FAM91A1: variants seen among roughly 807,000 people sequenced by gnomAD.
The protein encoded by FAM91A1 is protein FAM91A1.
In FAM91A1, 41 loss-of-function variants were observed where a neutral mutation model predicts 113.5. The observed-to-expected ratio is 0.36, with a 90% confidence interval of 0.28 to 0.47. FAM91A1 has a LOEUF of 0.47. Ranked by LOEUF, FAM91A1 falls within the 20% of genes least tolerant of loss-of-function variation. The pLI, the probability that FAM91A1 is intolerant of heterozygous loss-of-function variation, is 1.00. For synonymous variants in FAM91A1, 307 were observed against 347.9 expected (o/e 0.88, Z 1.31); for missense variants, 696 against 1,001.2 (o/e 0.70, Z 4.11).
chr8:123,775,573 C>T (rs1814962943), intron 3 of FAM91A1, among the ~76,000 whole-genome samples: 1 of 152,132 alleles, frequency 6.6e-6, no homozygotes, highest in South Asian at 2.1e-4. Context: ...ACTGATCAGT[C>T]ATTTATGTTG....
At chr8:123,805,650 T>C (rs1330362965) in intron 19 of FAM91A1, among the ~76,000 whole-genome samples, 2 of 152,168 alleles carry the variant, frequency 1.3e-5, no homozygotes, top group Admixed American at 6.5e-5. Flanking sequence ...CACACAACTG[T>C]CTAATACTTC....
intron 14 of FAM91A1, 26 bp from the exon 15 acceptor site, chr8:123,789,586 TG>T: frequency 6.2e-7 from 1 of 1,611,080 alleles, no homozygotes; most frequent in South Asian, 1.1e-5. Context: ...GTATTTTTGT[TG>T]CAAAATCTAT....
intron 20 of FAM91A1, among the ~76,000 whole-genome samples, chr8:123,806,650 CT>C (rs1815819876): frequency 6.6e-6 from 1 of 151,974 alleles, no homozygotes; most frequent in African/African-American, 2.4e-5. Context: ...TCATTCTTTC[CT>C]TTTTCCACTA....
chr8:123,800,937 GT>G, intron 18 of FAM91A1, among the ~76,000 whole-genome samples: 1 of 152,274 alleles, frequency 6.6e-6, no homozygotes. Flanking sequence ...TGATGGACAT[GT>G]GGGTTGTTTT....
rs528584371 is a variant in FAM91A1, at chr8:123,782,139, T to C, written c.703+1597T>C. Among the ~76,000 whole-genome samples, 90 of 152,276 alleles carry C rather than the reference T, an allele frequency of 5.9e-4. 1 individual carries two copies. The South Asian group carries it at 0.015, about 25-fold the overall frequency. On this transcript the variant is annotated intron_variant, in intron 8 of 23. Coordinates refer to ENST00000334705, the MANE Select transcript of FAM91A1 (RefSeq NM_144963.4). ...TTACTTATGGCTAAACTAAATTCAT[T>C]TGAAAAAAGCAGTCAGAGAAGGGCC...
chr8:123,784,830 A>G (rs961913096), intron 9 of FAM91A1: 1 of 415,048 alleles, frequency 2.4e-6, no homozygotes, highest in Admixed American at 4.2e-5. Flanking sequence ...TGATCTATCC[A>G]GGAATTTTAT....
intron 4 of FAM91A1, 67 bp from the exon 5 acceptor site, chr8:123,777,958 C>G (rs191234196): frequency 7.4e-7 from 1 of 1,345,768 alleles, no homozygotes; most frequent in South Asian, 1.3e-5. Context: ...TTCCTACAAT[C>G]GCTTGTGAAC....
intron 5 of FAM91A1, among the ~76,000 whole-genome samples, 168 bp downstream of exon 5, chr8:123,778,260 G>A (rs980989847): frequency 6.6e-6 from 1 of 152,038 alleles, no homozygotes. Context: ...TAGCATAAAT[G>A]ATTATTTAAA....
chr8:123,808,816 AC>A (rs780136978), intron 21 of FAM91A1, 76 bp from the exon 22 acceptor site: 13 of 1,356,886 alleles, frequency 9.6e-6, no homozygotes, highest in Non-Finnish European at 1.3e-5. Flanking sequence ...AGGTTAAGAA[AC>A]CCTTGTCAGT....
At chr8:123,804,794 G>C (rs1190495872) in intron 18 of FAM91A1, among the ~76,000 whole-genome samples, 1 of 152,106 alleles carries the variant, frequency 6.6e-6, no homozygotes, top group African/African-American at 2.4e-5. Context: ...CCCTGTTGGT[G>C]GACATTTTGG....
rs779820750 is a variant in FAM91A1 at position 123,798,288 on chromosome 8, GT to G, written c.1560+54del. 4 of 1,577,162 alleles carry G rather than the reference GT, an allele frequency of 2.5e-6. No individual in the cohort carries two copies. The East Asian group carries it at 9.1e-5, about 36-fold the overall frequency. ...CTTGGTAGTGTCATGAGTCCCATCAGTTTTGTTTTCTTCTCTATCTGCAGAT... is the reference window on the plus strand; with the variant it reads ...CTTGGTAGTGTCATGAGTCCCATCAGTTTGTTTTCTTCTCTATCTGCAGAT... On this transcript the variant is annotated intron_variant, in intron 16 of 23. Coordinates refer to ENST00000334705, the MANE Select transcript of FAM91A1 (RefSeq NM_144963.4).
At chr8:123,785,566 T>C in intron 10 of FAM91A1, 63 bp from the exon 11 acceptor site, 1 of 1,126,372 alleles carries the variant, frequency 8.9e-7, no homozygotes. Flanking sequence ...ATTTTTTCTC[T>C]ACAAATATTG....
At chr8:123,801,171 T>C (rs1815670109) in intron 18 of FAM91A1, among the ~76,000 whole-genome samples, 1 of 152,206 alleles carries the variant, frequency 6.6e-6, no homozygotes, top group African/African-American at 2.4e-5. Flanking sequence ...GGCTTTTTGA[T>C]GATAACCACC....
chr8:123,789,784 T>A, intron 15 of FAM91A1, 39 bp downstream of exon 15: 1 of 1,594,372 alleles, frequency 6.3e-7, no homozygotes, highest in African/African-American at 1.4e-5. Context: ...CATGATCATA[T>A]GAAACTTTTT....
At chr8:123,771,889 T>C (rs2130033001) in intron 1 of FAM91A1, among the ~76,000 whole-genome samples, 1 of 152,328 alleles carries the variant, frequency 6.6e-6, no homozygotes, top group Non-Finnish European at 1.5e-5. Flanking sequence ...CTGATGTAGT[T>C]CCTTTTATAT....
At position 123,814,339 on chromosome 8, in the gene FAM91A1, AAGTAT is replaced by A; in HGVS notation, c.*1636_*1640del. ...TTACAGTTTTTCAGCTGAAAGTTGT[AAGTAT>A]TTTTTTTTTTTGATCGGGGCTCTTT... On this transcript the variant is annotated 3_prime_UTR_variant, in exon 24 of 24. Coordinates refer to ENST00000334705, the MANE Select transcript of FAM91A1 (RefSeq NM_144963.4). 1 of 212,108 alleles carries A rather than the reference AAGTAT, an allele frequency of 4.7e-6. No individual in the cohort carries two copies. The highest frequency in any genetic ancestry group is 1.8e-4 in the East Asian group (1 of 5,524). The allele number at this position is 212,108 out of a possible 1,614,324, so 13.1% of individuals were successfully genotyped here. A position where few individuals can be genotyped will look rare whatever the true frequency, so the allele number is the denominator to read the frequency against.
At chr8:123,797,213 C>G (rs900946990) in intron 15 of FAM91A1, among the ~76,000 whole-genome samples, 1 of 152,058 alleles carries the variant, frequency 6.6e-6, no homozygotes, top group African/African-American at 2.4e-5. Flanking sequence ...GACATTAGAC[C>G]GTCTGGCAGG....
chr8:123,777,928 A>G (rs1440191075), intron 4 of FAM91A1, 97 bp from the exon 5 acceptor site: 1 of 1,001,634 alleles, frequency 1.0e-6, no homozygotes, highest in Non-Finnish European at 1.5e-6. Flanking sequence ...TAATTGAAAG[A>G]TGAAAATAAG....
chr8:123,808,190 CT>C lies in FAM91A1; in HGVS notation c.2033-78del, dbSNP rs1343364167. ...TGTCATCATTACTATTGTCTGAAGT[CT>C]TTTCCATGTTAGGACTGATTTATTG... is the stretch of plus-strand genomic sequence containing the variant. On this transcript the variant is annotated intron_variant, in intron 20 of 23. Coordinates refer to ENST00000334705, the MANE Select transcript of FAM91A1 (RefSeq NM_144963.4). 7.4e-6 allele frequency: 8 copies of C among 1,083,202 alleles called. No homozygotes were observed. In the Admixed American group the frequency reaches 1.8e-4, roughly 24 times the overall value. The allele number at this position is 1,083,202 out of a possible 1,614,324, so 67.1% of individuals were successfully genotyped here.
Sources: allele counts gnomAD v4.1 joint callset (sites outside exome capture counted in the v4.1 genomes callset), GRCh38; gene constraint gnomAD v4.1.1; transcripts MANE v1.5; gene names NCBI Gene and HGNC (gene_info 2026-07-23, HGNC 2026-07-21).